The following MAN1A2 variants were observed in gnomAD, a reference collection of about 807,000 sequenced individuals.
The protein encoded by MAN1A2 is mannosidase alpha class 1A member 2, also known as mannosyl-oligosaccharide 1,2-alpha-mannosidase IB.
MAN1A2 carries 26 observed loss-of-function variants against 75.7 expected under a neutral mutation model. That is an observed-to-expected ratio of 0.34 (90% CI 0.25 to 0.48). The LOEUF (loss-of-function observed/expected upper bound fraction) is 0.48. Among genes scored for constraint, MAN1A2 ranks in the 20% least tolerant of loss-of-function variants. MAN1A2 has a pLI of 0.99. For synonymous variants in MAN1A2, 247 were observed against 264.6 expected, an observed-to-expected ratio of 0.93 and a Z score of 0.65; for missense variants, 562 against 775.5, an observed-to-expected ratio of 0.72 and a Z score of 3.27.
At chr1:117,416,122 A>T (rs925809873) in intron 4 of MAN1A2, among the ~76,000 whole-genome samples, 4 of 151,840 alleles carry the variant, frequency 2.6e-5, no homozygotes, top group African/African-American at 4.8e-5. Context: ...ATGGAATTGA[A>T]TTTTTTTTAA....
chr1:117,430,027 G>C (rs1193222165), intron 5 of MAN1A2, among the ~76,000 whole-genome samples: 23 of 45,044 alleles, frequency 5.1e-4, no homozygotes, highest in Non-Finnish European at 8.9e-4. Flanking sequence ...TGGCCGGGTG[G>C]GGGGCTGACC....
At chr1:117,371,358 G>A (rs1013893828) in intron 1 of MAN1A2, among the ~76,000 whole-genome samples, 1 of 152,194 alleles carries the variant, frequency 6.6e-6, no homozygotes, top group African/African-American at 2.4e-5. Flanking sequence ...AGGGAGAGAT[G>A]ATGGGCATTA....
intron 1 of MAN1A2, among the ~76,000 whole-genome samples, chr1:117,386,910 C>T (rs6688608): frequency 6.6e-6 from 1 of 151,858 alleles, no homozygotes; most frequent in Non-Finnish European, 1.5e-5. Flanking sequence ...GACCCTATCT[C>T]TAAAAAGAAA....
intron 8 of MAN1A2, among the ~76,000 whole-genome samples, chr1:117,485,604 T>C (rs1027024961): frequency 3.9e-5 from 6 of 151,902 alleles, no homozygotes; most frequent in Admixed American, 1.3e-4. Flanking sequence ...TAAACAAATA[T>C]ATTCAAAGTA....
chr1:117,414,541 G>A (rs773166341), intron 3 of MAN1A2, among the ~76,000 whole-genome samples, 172 bp from the exon 4 acceptor site: 12 of 151,442 alleles, frequency 7.9e-5, no homozygotes, highest in Non-Finnish European at 1.3e-4. Context: ...ATGTAAAAGG[G>A]AACAATATTG....
rs1366893474 is a variant in MAN1A2 at position 117,416,781 on chromosome 1, GT to G, written c.774+1951del. On this transcript the variant is annotated intron_variant, in intron 4 of 12. Transcript: ENST00000356554. ...CAGTAGCTTGGGCTCTATGGAACTG[GT>G]ACCTGTGCTGCCCAGGTGTTACTGG... Among the ~76,000 whole-genome samples, 8 of 152,136 alleles carry G rather than the reference GT, an allele frequency of 5.3e-5. No homozygotes were observed. The East Asian group carries it at 1.5e-3, about 29-fold the overall frequency.
At chr1:117,451,323 C>T (rs1460966132) in intron 6 of MAN1A2, among the ~76,000 whole-genome samples, 3 of 152,216 alleles carry the variant, frequency 2.0e-5, no homozygotes, top group African/African-American at 4.8e-5. Context: ...TGCCTGTACA[C>T]CCATTGTATC....
At chr1:117,503,067 A>G in intron 12 of MAN1A2, 97 bp downstream of exon 12, 1 of 595,952 alleles carries the variant, frequency 1.7e-6, no homozygotes, top group Non-Finnish European at 2.8e-6. Flanking sequence ...GTTACACTAA[A>G]TTTTGTTGTA....
rs139859201 is a variant in MAN1A2 at position 117,379,955 on chromosome 1, C to T, written c.302+11470C>T. Among the ~76,000 whole-genome samples, 328 of 152,042 alleles carry T rather than the reference C, an allele frequency of 2.2e-3. 1 individual carries two copies. Among genetic ancestry groups the T allele is most frequent in the Admixed American group, 3.3e-3 (50 of 15,260 alleles). On this transcript the variant is annotated intron_variant, in intron 1 of 12. Coordinates refer to ENST00000356554, the MANE Select transcript of MAN1A2 (RefSeq NM_006699.5). The stretch of plus-strand genomic sequence containing the variant: ...AATAGTGTTGCTGTGAACATTTGTG[C>T]GCCTATATTCGTTTTGAGTACCTGT...
intron 10 of MAN1A2, among the ~76,000 whole-genome samples, chr1:117,497,333 TG>T (rs1216970714): frequency 2.0e-5 from 3 of 152,016 alleles, no homozygotes; most frequent in Admixed American, 2.0e-4. Flanking sequence ...TAAAATTGAC[TG>T]ACTTCAGTTA....
Position 117,524,538 on chromosome 1 carries a change from A to T in MAN1A2, c.*1581A>T, listed in dbSNP as rs1300620252. On this transcript the variant is annotated 3_prime_UTR_variant, in exon 13 of 13. Transcript: ENST00000356554. Reference sequence around the variant, plus strand: ...ACAAGAAGCCCACCTTGGAATTCTGAAGGCTTATTTTCTTGTTTGATAAGC... The same window carrying T: ...ACAAGAAGCCCACCTTGGAATTCTGTAGGCTTATTTTCTTGTTTGATAAGC... 2 of 151,772 alleles carry T rather than the reference A, an allele frequency of 1.3e-5. No individual in the cohort carries two copies. The highest frequency in any genetic ancestry group is 2.9e-5 in the Non-Finnish European group (2 of 67,800). 9.4% of individuals were successfully genotyped at this position (151,772 alleles called of 1,614,324 possible).
chr1:117,485,597 A>G (rs1367054388), intron 8 of MAN1A2, among the ~76,000 whole-genome samples: 1 of 151,966 alleles, frequency 6.6e-6, no homozygotes, highest in African/African-American at 2.4e-5. Flanking sequence ...ATACCAGTAA[A>G]CAAATATATT....
chr1:117,484,961 A>G (rs1650625204), intron 8 of MAN1A2, among the ~76,000 whole-genome samples: 1 of 151,928 alleles, frequency 6.6e-6, no homozygotes, highest in Non-Finnish European at 1.5e-5. Context: ...TAATTTCAAT[A>G]TATTTATTTT....
At chr1:117,417,504 C>A (rs1648032193) in intron 4 of MAN1A2, among the ~76,000 whole-genome samples, 1 of 116,558 alleles carries the variant, frequency 8.6e-6, no homozygotes, top group African/African-American at 3.3e-5. Context: ...CCTTCCATTT[C>A]TATTGACTTT....
At chr1:117,474,486 TTTC>T (rs1650256626) in intron 8 of MAN1A2, among the ~76,000 whole-genome samples, 1 of 151,712 alleles carries the variant, frequency 6.6e-6, no homozygotes, top group Non-Finnish European at 1.5e-5. Context: ...ATTTTGACCA[TTTC>T]TTTATTTTCA....
chr1:117,438,777 C>G (rs975964067), intron 5 of MAN1A2, among the ~76,000 whole-genome samples: 1 of 152,126 alleles, frequency 6.6e-6, no homozygotes, highest in African/African-American at 2.4e-5. Context: ...ATAGGCTGTA[C>G]CATATAACCT....
intron 5 of MAN1A2, among the ~76,000 whole-genome samples, chr1:117,431,017 G>A (rs1262314728): frequency 4.7e-5 from 6 of 128,948 alleles, no homozygotes; most frequent in South Asian, 6.0e-4. Flanking sequence ...AGACCGGCCC[G>A]GCCAACACAG....
intron 5 of MAN1A2, among the ~76,000 whole-genome samples, chr1:117,425,325 GA>G (rs1648329711): frequency 6.6e-6 from 1 of 152,108 alleles, no homozygotes; most frequent in Non-Finnish European, 1.5e-5. Flanking sequence ...AGAAAAAAAA[GA>G]AGAGTAATTT....
At chr1:117,424,523 A>G (rs940145867) in intron 5 of MAN1A2, among the ~76,000 whole-genome samples, 5 of 152,180 alleles carry the variant, frequency 3.3e-5, no homozygotes, top group African/African-American at 1.2e-4. Flanking sequence ...TCCTGGAAAA[A>G]CTAGTCCCAG....
Sources: gnomAD v4.1 joint callset for allele counts (sites outside exome capture counted in the v4.1 genomes callset) on GRCh38, gnomAD v4.1.1 for gene constraint, MANE v1.5 for transcripts, NCBI Gene and HGNC (gene_info 2026-07-23, HGNC 2026-07-21) for gene names.